Variants in FDFT1 observed in about 807,000 individuals in gnomAD.
FDFT1 encodes the protein farnesyl-diphosphate farnesyltransferase 1, also known as squalene synthase.
Under a neutral mutation model 46.8 loss-of-function variants are expected in FDFT1, and 68 were observed. The observed-to-expected ratio is 1.45, with a 90% CI of 1.19 to 1.78. The LOEUF (loss-of-function observed/expected upper bound fraction) is 1.78. Ranked by LOEUF, FDFT1 falls within the 40% of genes most tolerant of loss-of-function variation. The pLI is 0.00. For missense variants in FDFT1, 928 were observed against 524.4 expected (o/e 1.77, Z -7.52); for synonymous variants, 351 against 185.1 (o/e 1.90, Z -7.28).
chr8:11,815,166 G>C lies in FDFT1; in HGVS notation c.381+5316G>C, dbSNP rs558778581. On this transcript the variant is annotated intron_variant, in intron 3 of 7. Coordinates refer to ENST00000220584, the MANE Select transcript of FDFT1 (RefSeq NM_004462.5). ...ACTTTGCTCAGAATGATGATTTCCA[G>C]CTTCATCCATGTCCCTGCAAAGGAC... Among the ~76,000 whole-genome samples the C allele has an allele frequency of 4.6e-5, 7 of 152,248 alleles. 1 individual carries two copies. In the South Asian group the frequency reaches 1.0e-3, roughly 23 times the overall value.
At chr8:11,818,521 C>T (rs746534460) in intron 3 of FDFT1, among the ~76,000 whole-genome samples, 1 of 152,178 alleles carries the variant, frequency 6.6e-6, no homozygotes. Flanking sequence ...TCTCTAAGGA[C>T]TTGCTTTATG....
rs903158735 is a variant in FDFT1 at position 11,809,191 on chromosome 8, C to T, written c.197+300C>T. 63 of 1,229,298 alleles carry T rather than the reference C, an allele frequency of 5.1e-5. 1 individual carries two copies. The highest frequency in any genetic ancestry group is 3.2e-4 in the Middle Eastern group (1 of 3,098). 76.1% of individuals were successfully genotyped at this position (1,229,298 alleles called of 1,614,324 possible). ...GAGCAGGTCGTGTATTTCTCGGCTT[C>T]CCTTATCCAACTTTGCATTTCTATT... On this transcript the variant is annotated intron_variant, in intron 2 of 7. Transcript: ENST00000220584.
At chr8:11,801,814 C>A, upstream of FDFT1, 1 of 375,056 alleles carries the variant, frequency 2.7e-6, no homozygotes, top group Non-Finnish European at 5.2e-6. Flanking sequence ...CTGCCTCAGC[C>A]TCCGGAGTAG....
chr8:11,819,206 C>A (rs900018805), intron 3 of FDFT1, among the ~76,000 whole-genome samples: 1 of 152,200 alleles, frequency 6.6e-6, no homozygotes, highest in African/African-American at 2.4e-5. Context: ...AGGGTTTCTG[C>A]TGAGAGATCT....
At chr8:11,809,433 AGTG>A in intron 2 of FDFT1, 3 of 1,257,422 alleles carry the variant, frequency 2.4e-6, no homozygotes, top group Non-Finnish European at 3.0e-6. Flanking sequence ...TTCTGGGAGT[AGTG>A]GTGACATTCA....
Position 11,802,862 on chromosome 8 carries a change from C to A in FDFT1, c.30C>A (p.Pro10=), listed in dbSNP as rs745973770. 6 of 1,611,952 alleles carry A rather than the reference C, an allele frequency of 3.7e-6. No homozygotes were observed. The highest frequency in any genetic ancestry group is 5.1e-6 in the Non-Finnish European group (6 of 1,179,040). The change falls in exon 1 of 8, where the codon CCC becomes CCA. Residue 10 remains proline, a synonymous_variant. Transcript: ENST00000220584. MEFVKCLGH[P]EEFYNLVRFR... Reference sequence around the variant, plus strand: ...AGTTCGTGAAATGCCTTGGCCACCCCGAAGAGTTCTACAACCTGGTGCGCT... The same window carrying A: ...AGTTCGTGAAATGCCTTGGCCACCCAGAAGAGTTCTACAACCTGGTGCGCT...
chr8:11,812,286 C>T (rs1041738789), intron 3 of FDFT1, among the ~76,000 whole-genome samples: 1 of 152,222 alleles, frequency 6.6e-6, no homozygotes, highest in African/African-American at 2.4e-5. Context: ...CAGTCTATTT[C>T]CTAAGGTCAG....
chr8:11,809,106 G>GC lies in FDFT1; in HGVS notation c.197+215_197+216insC, dbSNP rs1807342660. The GC allele has an allele frequency of 2.0e-5, 26 of 1,279,126 alleles. 1 individual carries two copies. Among genetic ancestry groups the GC allele is most frequent in the East Asian group, 9.0e-5 (3 of 33,258 alleles). The allele number at this position is 1,279,126 out of a possible 1,614,324, so 79.2% of individuals were successfully genotyped here. ...CCTGCGGGCCCAGCCTTTCAGAGAA[G>GC]AGGGGGGAGGGGGTGATGTTTATTA... On this transcript the variant is annotated intron_variant, in intron 2 of 7. Transcript: ENST00000220584.
At chr8:11,800,620 C>A (rs938190212), upstream of FDFT1, among the ~76,000 whole-genome samples, 1 of 152,292 alleles carries the variant, frequency 6.6e-6, no homozygotes, top group East Asian at 1.9e-4. Flanking sequence ...TGACCTAATG[C>A]TTTCTTGGAC....
intron 7 of FDFT1, among the ~76,000 whole-genome samples, chr8:11,835,580 G>C (rs1378635668): frequency 3.9e-5 from 6 of 152,198 alleles, no homozygotes; most frequent in African/African-American, 1.4e-4. Flanking sequence ...TGTTGGTTGT[G>C]TATATTCACT....
chr8:11,835,578 G>T (rs187897394), intron 7 of FDFT1, among the ~76,000 whole-genome samples: 3 of 152,308 alleles, frequency 2.0e-5, no homozygotes, highest in Admixed American at 2.0e-4. Flanking sequence ...TTTGTTGGTT[G>T]TGTATATTCA....
chr8:11,810,342 G>C (rs927536922), intron 3 of FDFT1, among the ~76,000 whole-genome samples: 1 of 152,290 alleles, frequency 6.6e-6, no homozygotes, highest in African/African-American at 2.4e-5. Flanking sequence ...ACTACCCGGA[G>C]CCTGGTAGCA....
Position 11,807,355 on chromosome 8 carries a change from G to C in FDFT1, c.100-1439G>C, listed in dbSNP as rs144751515. ...TTAAAAACTTTTTTATGAACACGAG[G>C]TCTCACTATGTTGCCCAGGCTGCCC... On this transcript the variant is annotated intron_variant, in intron 1 of 7. Transcript: ENST00000220584. Among the ~76,000 whole-genome samples the C allele has an allele frequency of 3.2e-3, 486 of 152,050 alleles. 3 individuals carry two copies. Among genetic ancestry groups the C allele is most frequent in the African/African-American group, 0.011 (460 of 41,482 alleles).
At chr8:11,803,915 C>A (rs770001997) in intron 1 of FDFT1, 1 of 152,274 alleles carries the variant, frequency 6.6e-6, no homozygotes, top group Admixed American at 6.5e-5. Context: ...GTAGAACATT[C>A]AGTTTTCTTC....
chr8:11,808,431 A>G, intron 1 of FDFT1: 1 of 1,260,396 alleles, frequency 7.9e-7, no homozygotes, highest in Non-Finnish European at 9.9e-7. Context: ...ATTCGAGTAG[A>G]GGGCGAGCCC....
Position 11,821,879 on chromosome 8 carries a change from G to A in FDFT1, c.510+1G>A. 1 of 1,612,476 alleles carries A rather than the reference G, an allele frequency of 6.2e-7. No individual in the cohort carries two copies. Among genetic ancestry groups the A allele is most frequent in the Non-Finnish European group, 8.5e-7 (1 of 1,178,888 alleles). ...GACCTCTGAACAGGAGTGGGACAAG[G>A]TTAGTCTCATAAAACAGTGTCTGTG... On this transcript the variant is annotated splice_donor_variant, in intron 4 of 7. Transcript: ENST00000220584. LOFTEE classifies it high-confidence loss of function.
chr8:11,805,930 C>A (rs1004160116), intron 1 of FDFT1, among the ~76,000 whole-genome samples: 2 of 152,118 alleles, frequency 1.3e-5, no homozygotes, highest in African/African-American at 4.8e-5. Context: ...AGGTGATGTC[C>A]GCATTGTGCT....
intron 1 of FDFT1, among the ~76,000 whole-genome samples, chr8:11,804,557 T>C (rs1806564641): frequency 6.6e-6 from 1 of 151,614 alleles, no homozygotes; most frequent in African/African-American, 2.4e-5. Flanking sequence ...GGAAATAAAT[T>C]GGAAAAATAC....
chr8:11,831,235 A>T (rs1484544161), intron 6 of FDFT1, among the ~76,000 whole-genome samples: 1 of 152,178 alleles, frequency 6.6e-6, no homozygotes, highest in Non-Finnish European at 1.5e-5. Flanking sequence ...AAAATGTTGG[A>T]TTTACTTGTG....
Sources: gnomAD v4.1 joint callset for allele counts (sites outside exome capture counted in the v4.1 genomes callset) on GRCh38, gnomAD v4.1.1 for gene constraint, MANE v1.5 for transcripts, NCBI Gene and HGNC (gene_info 2026-07-23, HGNC 2026-07-21) for gene names.